Variants in NID1 observed in about 807,000 individuals in gnomAD.
The protein encoded by NID1 is nidogen 1.
Under a neutral mutation model 130.6 loss-of-function variants are expected in NID1, and 76 were observed. The observed-to-expected ratio is 0.58, with a 90% CI of 0.48 to 0.70. The LOEUF (loss-of-function observed/expected upper bound fraction) is 0.70, where lower values mean the gene tolerates loss of function less well. Among genes scored for constraint, NID1 ranks in the 30% least tolerant of loss-of-function variants. The pLI is 0.00. For missense variants in NID1, 1,517 were observed against 1,664.8 expected (o/e 0.91, Z 1.54); for synonymous variants, 665 against 675.1 (o/e 0.98, Z 0.23).
chr1:236,010,949 T>C (rs554045095), intron 12 of NID1, among the ~76,000 whole-genome samples: 22 of 152,208 alleles, frequency 1.4e-4, no homozygotes, highest in Non-Finnish European at 2.5e-4. Flanking sequence ...ATGGAGCTGA[T>C]GCATTCATTT....
intron 12 of NID1, among the ~76,000 whole-genome samples, chr1:235,999,040 A>G (rs923166100): frequency 6.6e-6 from 1 of 152,152 alleles, no homozygotes; most frequent in African/African-American, 2.4e-5. Flanking sequence ...CAGTGCTTAG[A>G]CGGCTCCCTC....
In NID1 at chr1:236,012,009, A is replaced by T. The variant is rs3738530; in HGVS notation, c.2439T>A (p.Pro813=). The change falls in exon 12 of 20, where the codon CCT becomes CCA. Residue 813 remains proline (P), a synonymous_variant. Transcript: ENST00000264187. Reference sequence around the variant, plus strand: ...CTGGAGTGTTGTAGCAGAAGGCGTCAGGGTGACATCGGCTTGGCTGGCATT... The same window carrying T: ...CTGGAGTGTTGTAGCAGAAGGCGTCTGGGTGACATCGGCTTGGCTGGCATT... ...VDECQPSRCH[P]DAFCYNTPGS... The T allele has an allele frequency of 2.0e-3, 3,171 of 1,614,124 alleles. 80 individuals are homozygous for T. In the East Asian group the frequency reaches 0.061, roughly 31 times the overall value.
At chr1:236,001,550 A>G (rs1222486473) in intron 12 of NID1, among the ~76,000 whole-genome samples, 1 of 152,198 alleles carries the variant, frequency 6.6e-6, no homozygotes, top group African/African-American at 2.4e-5. Context: ...CTTCATCCTC[A>G]TGTTCCTAGG....
chr1:236,016,357 A>G (rs1404531344), intron 10 of NID1, among the ~76,000 whole-genome samples: 1 of 152,184 alleles, frequency 6.6e-6, no homozygotes, highest in East Asian at 1.9e-4. Context: ...AAAACATTCT[A>G]GGGTTTAGCG....
intron 12 of NID1, 43 bp from the exon 13 acceptor site, chr1:235,993,915 TC>T (rs1657841114): frequency 6.4e-7 from 1 of 1,569,880 alleles, no homozygotes; most frequent in African/African-American, 1.3e-5. Context: ...AGGTGCGTCA[TC>T]CGTCAGCGCT....
intron 5 of NID1, among the ~76,000 whole-genome samples, chr1:236,035,799 G>A (rs761545427): frequency 3.3e-5 from 5 of 152,086 alleles, no homozygotes; most frequent in Non-Finnish European, 5.9e-5. Context: ...CTGCACACAC[G>A]TTGCATCATT....
At chr1:236,021,922 G>A (rs925067620) in intron 9 of NID1, among the ~76,000 whole-genome samples, 1 of 152,156 alleles carries the variant, frequency 6.6e-6, no homozygotes, top group East Asian at 1.9e-4. Context: ...GCAACTAGAA[G>A]ATGGAGTAAT....
chr1:236,063,375 G>T (rs1660095192), intron 1 of NID1, among the ~76,000 whole-genome samples: 1 of 151,646 alleles, frequency 6.6e-6, no homozygotes, highest in African/African-American at 2.4e-5. Flanking sequence ...AGGAGGCTGA[G>T]GCAGGAGAAT....
In NID1 at chr1:235,979,886, C is replaced by T. The variant is rs773945964; in HGVS notation, c.3445G>A (p.Gly1149Arg). Residue 1149 changes from glycine to arginine, a missense_variant, in exon 18 of 20, where the codon GGG becomes AGG. Coordinates refer to ENST00000264187, the MANE Select transcript of NID1 (RefSeq NM_002508.3). This position sits in a 1 kb window ranked among gnomAD's most constrained non-coding sequence, Gnocchi z 4.6. ...GTCACAGCAAAAGGATACTGGAGCC[C>T]TTCGAGAGCCTTGCGTCTGCTGGGC... ...SQPSRRKALE[G>R]LQYPFAVTSY... 3 of 1,614,024 alleles carry T rather than the reference C, an allele frequency of 1.9e-6. No individual in the cohort carries two copies. The highest frequency in any genetic ancestry group is 2.7e-5 in the African/African-American group (2 of 74,934).
At chr1:235,991,664 C>T (rs1031123040) in intron 13 of NID1, among the ~76,000 whole-genome samples, 50 of 151,734 alleles carry the variant, frequency 3.3e-4, no homozygotes, top group Admixed American at 3.3e-3. Context: ...GCTTTGGCTA[C>T]CCATGCTCTG....
chr1:236,003,358 T>A (rs567771524), intron 12 of NID1, among the ~76,000 whole-genome samples: 1 of 152,352 alleles, frequency 6.6e-6, no homozygotes, highest in African/African-American at 2.4e-5. Context: ...ATTTAACTAT[T>A]GGTCCTGGCT....
chr1:236,062,983 G>A (rs189447593), intron 1 of NID1, among the ~76,000 whole-genome samples: 138 of 150,644 alleles, frequency 9.2e-4, no homozygotes, highest in Middle Eastern at 6.9e-3. Flanking sequence ...GTGAAATCCC[G>A]TCTATACTAA....
intron 2 of NID1, among the ~76,000 whole-genome samples, chr1:236,047,387 G>A (rs530161843): frequency 6.6e-6 from 1 of 152,134 alleles, no homozygotes; most frequent in Non-Finnish European, 1.5e-5. Context: ...CTATAAAGGT[G>A]AAGTTATGGT....
In NID1 at chr1:235,979,915, C is replaced by T. The variant is rs1657384857; in HGVS notation, c.3416G>A (p.Ser1139Asn). The T allele has an allele frequency of 6.8e-6, 11 of 1,614,140 alleles. No individual in the cohort carries two copies. The highest frequency in any genetic ancestry group is 9.3e-6 in the Non-Finnish European group (11 of 1,179,988). ...GAGAGCCTTGCGTCTGCTGGGCTGACTGGGGTTCAGGCATTCCGCCCGATT... is the reference window on the plus strand; with the variant it reads ...GAGAGCCTTGCGTCTGCTGGGCTGATTGGGGTTCAGGCATTCCGCCCGATT... ...GTNRAECLNP[S>N]QPSRRKALEG... Residue 1139 changes from serine to asparagine, a missense_variant, in exon 18 of 20, where the codon AGT becomes AAT. Ser to Asn is a conservative substitution (Grantham distance 46, BLOSUM62 1). This residue lies in a region of NID1 where 181 missense variants were observed against 211.3 expected (regional missense o/e 0.86). Transcript: ENST00000264187. The surrounding 1 kb of genome is among the most constrained non-coding windows in gnomAD (Gnocchi z 4.6).
At chr1:235,990,721 C>G (rs1475676775) in intron 14 of NID1, among the ~76,000 whole-genome samples, 165 bp downstream of exon 14, 1 of 151,814 alleles carries the variant, frequency 6.6e-6, no homozygotes, top group Non-Finnish European at 1.5e-5. Context: ...ACGAGCAGCT[C>G]AGCAATACAG....
At chr1:236,017,673 C>T (rs550869477) in intron 9 of NID1, among the ~76,000 whole-genome samples, 7 of 152,292 alleles carry the variant, frequency 4.6e-5, no homozygotes, top group Admixed American at 6.5e-5. Flanking sequence ...CGTGAGCCAC[C>T]GCCCCTAGCC....
intron 13 of NID1, 70 bp from the exon 14 acceptor site, chr1:235,991,128 C>CAA (rs569425269): frequency 7.7e-7 from 1 of 1,301,766 alleles, no homozygotes; most frequent in Non-Finnish European, 1.0e-6. Flanking sequence ...CACACACACA[C>CAA]CCCCACACAC....
At position 236,049,001 on chromosome 1, in the gene NID1, C is replaced by G; in HGVS notation, c.226-12G>C. The G allele has an allele frequency of 6.2e-7, 1 of 1,607,728 alleles. No individual in the cohort carries two copies. The highest frequency in any genetic ancestry group is 8.5e-7 in the Non-Finnish European group (1 of 1,178,586). On this transcript the variant is annotated splice_polypyrimidine_tract_variant and intron_variant, in intron 1 of 19. Transcript: ENST00000264187. The stretch of plus-strand genomic sequence containing the variant: ...CCATTTGTGGTGACCTGTACAAAAC[C>G]AAGTGTGGTTAAAAGGAATGCAGAA...
At chr1:236,043,668 G>A (rs1659518458) in intron 3 of NID1, among the ~76,000 whole-genome samples, 1 of 152,118 alleles carries the variant, frequency 6.6e-6, no homozygotes, top group African/African-American at 2.4e-5. Flanking sequence ...CGTGGTGGTG[G>A]GCGCCTGTAG....
Sources: allele counts gnomAD v4.1 joint callset (sites outside exome capture counted in the v4.1 genomes callset), GRCh38; gene constraint gnomAD v4.1.1; regional missense constraint gnomAD v4.1.1; non-coding constraint Gnocchi (gnomAD v3.1); transcripts MANE v1.5; gene names NCBI Gene and HGNC (gene_info 2026-07-23, HGNC 2026-07-21).